FAM186A: variants seen among roughly 807,000 people sequenced by gnomAD.
The protein encoded by FAM186A is family with sequence similarity 186 member A.
A neutral mutation model predicts 216.8 loss-of-function variants in FAM186A; 163 were observed. The observed-to-expected ratio is 0.75, with a 90% confidence interval of 0.66 to 0.86. The LOEUF (loss-of-function observed/expected upper bound fraction) is 0.86, where lower values mean the gene tolerates loss of function less well. Among genes scored for constraint, FAM186A ranks in the 40% least tolerant of loss-of-function variants. The pLI is 0.00. For synonymous variants in FAM186A, 805 were observed against 1,025.3 expected, an observed-to-expected ratio of 0.79 and a Z score of 4.10; for missense variants, 2,184 against 2,746.2, an observed-to-expected ratio of 0.80 and a Z score of 4.58.
At position 50,353,673 on chromosome 12, in the gene FAM186A, G is replaced by A. The variant is rs1021810870; in HGVS notation, c.3159C>T (p.Ser1053=). The change falls in exon 4 of 8, where the codon TCC becomes TCT. Residue 1053 remains serine, a synonymous_variant. Transcript: ENST00000327337. The part of the protein sequence containing the change: ...KEPISITPPP[S]LQYSLPGALP... ...GAGCTCCAGGCAGGGAGTATTGTAGGGAGGGGGGAGGTGTGATTGATATGG... is the reference window on the plus strand; with the variant it reads ...GAGCTCCAGGCAGGGAGTATTGTAGAGAGGGGGGAGGTGTGATTGATATGG... 5 of 1,537,390 alleles carry A rather than the reference G, an allele frequency of 3.3e-6. No homozygotes were observed. The Admixed American group carries it at 6.2e-5, about 19-fold the overall frequency.
intron 6 of FAM186A, 31 bp from the exon 7 acceptor site, chr12:50,330,789 A>T: frequency 6.7e-7 from 1 of 1,490,714 alleles, no homozygotes; most frequent in Non-Finnish European, 8.9e-7. Context: ...GGGAACGCCA[A>T]ATTCTCCTGA....
chr12:50,351,487 A>C lies in FAM186A; in HGVS notation c.5345T>G (p.Ile1782Ser). Residue 1782 changes from isoleucine to serine, a missense_variant, in exon 4 of 8, where the codon ATT becomes AGT. Around this residue, in one of 7 missense-constraint regions of FAM186A, gnomAD observed 721 missense variants for 816.4 expected, o/e 0.88. Coordinates refer to ENST00000327337, the MANE Select transcript of FAM186A (RefSeq NM_001145475.3). ...FAPGKPLEMG[I>S]LSEPGKLGAP... ...CCCAAGCTTCCCAGGCTCAGAAAGA[A>C]TCCCCATTTCTAGGGGCTTCCCAGG... 6.7e-7 allele frequency: 1 copy of C among 1,486,214 alleles called. No individual in the cohort carries two copies. Among genetic ancestry groups the C allele is most frequent in the Non-Finnish European group, 8.9e-7 (1 of 1,120,654 alleles). 92.1% of individuals were successfully genotyped at this position (1,486,214 alleles called of 1,614,324 possible).
At chr12:50,356,457 CT>C (rs893747231) in intron 3 of FAM186A, among the ~76,000 whole-genome samples, 10 of 152,116 alleles carry the variant, frequency 6.6e-5, no homozygotes, top group Non-Finnish European at 1.3e-4. Context: ...GTTTTTCTTT[CT>C]TTTTTTGTTG....
Position 50,353,173 on chromosome 12 carries a change from G to A in FAM186A, c.3659C>T (p.Thr1220Ile), listed in dbSNP as rs1465760654. Reference sequence around the variant, plus strand: ...CCCCAGGGCCTGGGCCTGCTGAGGGGTGAGAGGGATCCCCAATTCCTGAGC... The same window carrying A: ...CCCCAGGGCCTGGGCCTGCTGAGGGATGAGAGGGATCCCCAATTCCTGAGC... ...QQAQELGIPL[T>I]PQQAQALGIT... The change falls in exon 4 of 8, where the codon ACC becomes ATC. Residue 1220 changes from threonine (T) to isoleucine (I), a missense_variant. Physicochemically the swap from Thr to Ile is moderately conservative, Grantham distance 89. Coordinates refer to ENST00000327337, the MANE Select transcript of FAM186A (RefSeq NM_001145475.3). 1 of 1,481,296 alleles carries A rather than the reference G, an allele frequency of 6.8e-7. No individual in the cohort carries two copies. Among genetic ancestry groups the A allele is most frequent in the Admixed American group, 2.2e-5 (1 of 46,018 alleles). The allele number at this position is 1,481,296 out of a possible 1,614,324, so 91.8% of individuals were successfully genotyped here.
At position 50,346,201 on chromosome 12, in the gene FAM186A, A is replaced by AAG. The variant is rs71083536; in HGVS notation, c.6503+4126_6503+4127dup. ...AAAGAAGAAAGGAAAGAAAGAAAGA[A>AAG]AGAGAGAGAGAGAGAGAAGGAAAGA... On this transcript the variant is annotated intron_variant, in intron 4 of 7. Transcript: ENST00000327337. Among the ~76,000 whole-genome samples the AAG allele has an allele frequency of 7.1e-3, 541 of 76,674 alleles. 13 individuals are homozygous for AAG. Among genetic ancestry groups the AAG allele is most frequent in the African/African-American group, 0.017 (397 of 23,156 alleles). 50.3% of individuals were successfully genotyped at this position (76,674 alleles called of 152,430 possible). A position where few individuals can be genotyped will look rare whatever the true frequency, so the allele number is the denominator to read the frequency against.
intron 1 of FAM186A, among the ~76,000 whole-genome samples, chr12:50,394,232 G>GT (rs1158040717): frequency 1.3e-5 from 2 of 151,932 alleles, no homozygotes; most frequent in Admixed American, 6.6e-5. Context: ...CAAGCACTCT[G>GT]TTTTTTTGTT....
At chr12:50,334,355 A>G (rs921722250) in intron 4 of FAM186A, among the ~76,000 whole-genome samples, 1 of 151,932 alleles carries the variant, frequency 6.6e-6, no homozygotes, top group African/African-American at 2.4e-5. Flanking sequence ...TATTTTTAGT[A>G]GAGACGGGGT....
intron 5 of FAM186A, among the ~76,000 whole-genome samples, chr12:50,333,374 A>G (rs1490590511): frequency 1.3e-5 from 2 of 151,998 alleles, no homozygotes; most frequent in Non-Finnish European, 2.9e-5. Flanking sequence ...TCTACTAAAA[A>G]TATAAAATTT....
At chr12:50,385,477 A>C (rs1943294566) in intron 1 of FAM186A, among the ~76,000 whole-genome samples, 1 of 151,906 alleles carries the variant, frequency 6.6e-6, no homozygotes, top group Non-Finnish European at 1.5e-5. Context: ...GAAAAGTTCC[A>C]TGACATTGTT....
chr12:50,379,541 C>A (rs1313269675), intron 1 of FAM186A, among the ~76,000 whole-genome samples: 1 of 149,302 alleles, frequency 6.7e-6, no homozygotes, highest in Non-Finnish European at 1.5e-5. Flanking sequence ...AATCCCATCA[C>A]TTTGGGAGAC....
At chr12:50,358,599 A>C (rs1276340350) in intron 3 of FAM186A, among the ~76,000 whole-genome samples, 4 of 151,806 alleles carry the variant, frequency 2.6e-5, no homozygotes, top group Non-Finnish European at 1.5e-5. Flanking sequence ...AACAAAACAA[A>C]ACAAAAACCT....
intron 4 of FAM186A, among the ~76,000 whole-genome samples, chr12:50,341,574 T>C (rs1942762729): frequency 6.6e-6 from 1 of 152,148 alleles, no homozygotes; most frequent in Non-Finnish European, 1.5e-5. Flanking sequence ...CAGTGGCTCA[T>C]ACCTGTAATC....
In FAM186A at chr12:50,368,391, C is replaced by T. The variant is rs148228111; in HGVS notation, c.193-5027G>A. 7.5e-3 allele frequency among the ~76,000 whole-genome samples: 1,134 copies of T among 151,968 alleles called. 6 individuals are homozygous for T. Among genetic ancestry groups the T allele is most frequent in the Non-Finnish European group, 0.012 (833 of 67,960 alleles). ...TTCCAGCCTGGGCAACAGAGCAAGA[C>T]TCTGTCTCAAAAATAAATAAATAAA... On this transcript the variant is annotated intron_variant, in intron 1 of 7. Coordinates refer to ENST00000327337, the MANE Select transcript of FAM186A (RefSeq NM_001145475.3).
At chr12:50,372,607 G>GA (rs1943152111) in intron 1 of FAM186A, among the ~76,000 whole-genome samples, 1 of 147,848 alleles carries the variant, frequency 6.8e-6, no homozygotes, top group African/African-American at 2.5e-5. Flanking sequence ...AAAAAAAAAA[G>GA]AAATAATACT....
At chr12:50,391,999 T>C (rs1203338476) in intron 1 of FAM186A, among the ~76,000 whole-genome samples, 1 of 151,966 alleles carries the variant, frequency 6.6e-6, no homozygotes, top group African/African-American at 2.4e-5. Context: ...TATGCAAAAG[T>C]GTGGATGAAT....
chr12:50,348,538 T>G (rs1452971936), intron 4 of FAM186A, among the ~76,000 whole-genome samples: 2 of 151,844 alleles, frequency 1.3e-5, no homozygotes, highest in African/African-American at 4.8e-5. Flanking sequence ...TTACTTGTAT[T>G]TTTTTATTTG....
intron 1 of FAM186A, 119 bp from the exon 2 acceptor site, chr12:50,363,483 A>G (rs1943056997): frequency 2.2e-6 from 2 of 909,464 alleles, no homozygotes; most frequent in East Asian, 5.3e-5. Flanking sequence ...AGTCTTGCTA[A>G]TTCTAGCTTT....
At chr12:50,394,297 G>A (rs1003663779) in intron 1 of FAM186A, among the ~76,000 whole-genome samples, 2 of 151,972 alleles carry the variant, frequency 1.3e-5, no homozygotes, top group African/African-American at 2.4e-5. Context: ...AGTGGCTCAC[G>A]CCTGTAATCT....
intron 4 of FAM186A, among the ~76,000 whole-genome samples, chr12:50,345,396 C>A (rs1004074331): frequency 6.6e-6 from 1 of 152,094 alleles, no homozygotes; most frequent in African/African-American, 2.4e-5. Flanking sequence ...AGAGCAAAAA[C>A]TCTGTCTCTA....
Sources: gnomAD v4.1 joint callset for allele counts (sites outside exome capture counted in the v4.1 genomes callset) on GRCh38, gnomAD v4.1.1 for gene constraint, gnomAD v4.1.1 regional missense constraint, MANE v1.5 for transcripts, NCBI Gene and HGNC (gene_info 2026-07-23, HGNC 2026-07-21) for gene names.